The following SLC16A6 variants were observed in gnomAD, a reference collection of about 807,000 sequenced individuals.
SLC16A6 encodes the protein solute carrier family 16 member 6.
In SLC16A6, 15 loss-of-function variants were observed where a neutral mutation model predicts 33.8. The observed-to-expected ratio is 0.44, with a 90% CI of 0.30 to 0.68. The LOEUF (loss-of-function observed/expected upper bound fraction) is 0.68, where lower values mean the gene tolerates loss of function less well. SLC16A6 is among the 30% of genes least tolerant of loss of function. The pLI is 0.10. For missense variants in SLC16A6, 451 were observed against 661.5 expected (o/e 0.68, Z 3.49); for synonymous variants, 219 against 248.4 (o/e 0.88, Z 1.11).
intron 1 of SLC16A6, among the ~76,000 whole-genome samples, chr17:68,283,878 C>CAAAAAAA (rs58291216): frequency 2.2e-4 from 12 of 55,410 alleles, no homozygotes; most frequent in East Asian, 5.4e-4. Context: ...AACTCCGTCT[C>CAAAAAAA]AAAAAAAAAA....
At chr17:68,273,407 G>T (rs1555749771) in intron 3 of SLC16A6, among the ~76,000 whole-genome samples, 1 of 152,066 alleles carries the variant, frequency 6.6e-6, no homozygotes, top group Non-Finnish European at 1.5e-5. Flanking sequence ...TTTTTGTAGA[G>T]ATGGAGTCTC....
chr17:68,280,385 A>C (rs539177513), intron 1 of SLC16A6, among the ~76,000 whole-genome samples: 37 of 152,154 alleles, frequency 2.4e-4, no homozygotes, highest in Non-Finnish European at 4.4e-4. Context: ...ACAGACCTCA[A>C]AATATATGAC....
At chr17:68,275,075 C>T (rs1555750485) in intron 2 of SLC16A6, among the ~76,000 whole-genome samples, 2 of 152,206 alleles carry the variant, frequency 1.3e-5, no homozygotes, top group Non-Finnish European at 2.9e-5. Flanking sequence ...CCACCGCGCC[C>T]AGCCTAGTTA....
intron 2 of SLC16A6, among the ~76,000 whole-genome samples, chr17:68,277,430 G>A (rs1013019786): frequency 1.2e-4 from 18 of 149,662 alleles, no homozygotes; most frequent in African/African-American, 3.4e-4. Context: ...GCGCCCGGCC[G>A]CAACTTTTTT....
At chr17:68,285,853 C>G (rs2075829431) in intron 1 of SLC16A6, among the ~76,000 whole-genome samples, 1 of 151,988 alleles carries the variant, frequency 6.6e-6, no homozygotes, top group Non-Finnish European at 1.5e-5. Context: ...CTCCATCCCC[C>G]AGGTTCAAGC....
chr17:68,274,434 C>A, intron 2 of SLC16A6: 1 of 172,172 alleles, frequency 5.8e-6, no homozygotes. Context: ...CCACTGCACT[C>A]CATACTGGGT....
intron 1 of SLC16A6, chr17:68,282,861 T>G (rs2075739908): frequency 6.8e-6 from 1 of 146,900 alleles, no homozygotes; most frequent in Non-Finnish European, 1.5e-5. Flanking sequence ...GGCAGGAGAA[T>G]TGCTTGAACC....
chr17:68,281,226 A>C (rs1365311343), intron 1 of SLC16A6, among the ~76,000 whole-genome samples: 4 of 152,132 alleles, frequency 2.6e-5, no homozygotes, highest in African/African-American at 9.7e-5. Flanking sequence ...ATATACAAGG[A>C]ACTCAAACAT....
intron 1 of SLC16A6, among the ~76,000 whole-genome samples, chr17:68,283,418 G>A (rs2075760660): frequency 1.3e-5 from 2 of 152,056 alleles, no homozygotes; most frequent in Admixed American, 1.3e-4. Context: ...CTACTCCGGA[G>A]GCTGAGGCAG....
rs1334850267 is a variant in SLC16A6 at position 68,272,534 on chromosome 17, A to G, written c.505+105T>C. 18 of 1,324,402 alleles carry G rather than the reference A, an allele frequency of 1.4e-5. No homozygotes were observed. The African/African-American group carries it at 2.2e-4, about 16-fold the overall frequency. The allele number at this position is 1,324,402 out of a possible 1,614,324, so 82.0% of individuals were successfully genotyped here. A position where few individuals can be genotyped will look rare whatever the true frequency, so the allele number is the denominator to read the frequency against. On this transcript the variant is annotated intron_variant, in intron 4 of 5. Coordinates refer to ENST00000580666, the MANE Select transcript of SLC16A6 (RefSeq NM_004694.5). Reference sequence around the variant, plus strand: ...AGACGTAAATAACGTCTCATTACACATACACTGAAAGTCATCCATACTGTT... The same window carrying G: ...AGACGTAAATAACGTCTCATTACACGTACACTGAAAGTCATCCATACTGTT...
chr17:68,273,993 C>T lies in SLC16A6; in HGVS notation c.310G>A (p.Gly104Arg), dbSNP rs782645752. ...TGTGAGAAGGAGGCGGCCACCATCCCGGTGCTGACAAGTAGCCCCCCCAAC... is the reference window on the plus strand; with the variant it reads ...TGTGAGAAGGAGGCGGCCACCATCCTGGTGCTGACAAGTAGCCCCCCCAAC... ...VMLGGLLVST[G>R]MVAASFSQEV... Residue 104 changes from glycine to arginine, a missense_variant, in exon 3 of 6, where the codon GGG (glycine) becomes AGG (arginine). By Grantham distance (125) the Gly-to-Arg change is moderately radical. Around this residue, in one of 2 missense-constraint regions of SLC16A6, gnomAD observed 405 missense variants for 510.7 expected, o/e 0.79. Coordinates refer to ENST00000580666, the MANE Select transcript of SLC16A6 (RefSeq NM_004694.5). 6.8e-6 allele frequency: 11 copies of T among 1,614,122 alleles called. No homozygotes were observed. The highest frequency in any genetic ancestry group is 4.0e-5 in the African/African-American group (3 of 75,024).
intron 2 of SLC16A6, among the ~76,000 whole-genome samples, chr17:68,276,044 T>C (rs1412803588): frequency 1.3e-5 from 2 of 152,098 alleles, no homozygotes; most frequent in South Asian, 2.1e-4. Context: ...AATGACTTCA[T>C]GAAACTTGTA....
chr17:68,287,312 C>A (rs1219995683), intron 1 of SLC16A6, among the ~76,000 whole-genome samples: 2 of 151,812 alleles, frequency 1.3e-5, no homozygotes, highest in African/African-American at 4.8e-5. Flanking sequence ...CCAGCATGCC[C>A]AGCCTTCTTC....
Position 68,271,560 on chromosome 17 carries a change from G to A in SLC16A6, c.600C>T (p.Leu200=). Residue 200 remains leucine, a synonymous_variant, in exon 5 of 6, where the codon CTC becomes CTT. Transcript: ENST00000580666. The surrounding 1 kb of genome is among the most constrained non-coding windows in gnomAD (Gnocchi z 5.3). ...QLNIVIFGAL[L]RPIFIRGPAS... is the part of the protein sequence containing the mutation. The stretch of plus-strand genomic sequence containing the variant: ...CTGGTCCTCTGATAAAGATGGGTCT[G>A]AGCAGTGCTCCGAAGATGACAATGT... 1.2e-6 allele frequency: 2 copies of A among 1,614,216 alleles called. No homozygotes were observed. The highest frequency in any genetic ancestry group is 1.1e-5 in the South Asian group (1 of 91,080).
At position 68,271,734 on chromosome 17, in the gene SLC16A6, A is replaced by G. The variant is rs1450237614; in HGVS notation, c.506-80T>C. The G allele has an allele frequency of 4.7e-6, 5 of 1,062,380 alleles. No homozygotes were observed. The highest frequency in any genetic ancestry group is 6.8e-6 in the Non-Finnish European group (5 of 733,236). 65.8% of individuals were successfully genotyped at this position (1,062,380 alleles called of 1,614,324 possible). A position where few individuals can be genotyped will look rare whatever the true frequency, so the allele number is the denominator to read the frequency against. On this transcript the variant is annotated intron_variant, in intron 4 of 5. Coordinates refer to ENST00000580666, the MANE Select transcript of SLC16A6 (RefSeq NM_004694.5). This position sits in a 1 kb window ranked among gnomAD's most constrained non-coding sequence, Gnocchi z 5.3. Reference sequence around the variant, plus strand: ...ACCCAGGAGAAGCCATCAAGAAGAAATATGGATCCAGATTTTGTTATAAGT... The same window carrying G: ...ACCCAGGAGAAGCCATCAAGAAGAAGTATGGATCCAGATTTTGTTATAAGT...
intron 1 of SLC16A6, among the ~76,000 whole-genome samples, chr17:68,290,560 G>T (rs975123530): frequency 2.0e-5 from 3 of 152,216 alleles, no homozygotes; most frequent in African/African-American, 7.2e-5. Flanking sequence ...GACAAACGGT[G>T]GCCGCCGCAG....
At chr17:68,272,985 CT>C (rs879965781) in intron 3 of SLC16A6, among the ~76,000 whole-genome samples, 3,048 of 144,266 alleles carry the variant, frequency 0.021, 66 homozygotes, top group African/African-American at 0.059. Flanking sequence ...AAAAATATAA[CT>C]TTTTTTTTTT....
chr17:68,275,768 T>A (rs929997169), intron 2 of SLC16A6, among the ~76,000 whole-genome samples: 1 of 152,016 alleles, frequency 6.6e-6, no homozygotes, highest in Non-Finnish European at 1.5e-5. Flanking sequence ...GATCACGAGT[T>A]CAGGAGTTAG....
Position 68,283,553 on chromosome 17 carries a change from T to A in SLC16A6, c.-7-5226A>T, listed in dbSNP as rs1369417272. ...AAAAAAAAAGGCTGGGCACGGCGGCTCACGCCTGTAATCCCAGCACACTTT... is the reference window on the plus strand; with the variant it reads ...AAAAAAAAAGGCTGGGCACGGCGGCACACGCCTGTAATCCCAGCACACTTT... On this transcript the variant is annotated intron_variant, in intron 1 of 5. Transcript: ENST00000580666. Among the ~76,000 whole-genome samples the A allele has an allele frequency of 2.0e-5, 3 of 147,436 alleles. No homozygotes were observed. The East Asian group carries it at 6.1e-4, about 30-fold the overall frequency.
Sources: allele counts gnomAD v4.1 joint callset (sites outside exome capture counted in the v4.1 genomes callset), GRCh38; gene constraint gnomAD v4.1.1; regional missense constraint gnomAD v4.1.1; non-coding constraint Gnocchi (gnomAD v3.1); transcripts MANE v1.5; gene names NCBI Gene and HGNC (gene_info 2026-07-23, HGNC 2026-07-21).